Variants in DLG2 observed in about 807,000 individuals in gnomAD.
The protein encoded by DLG2 is discs large MAGUK scaffold protein 2.
In DLG2, 45 loss-of-function variants were observed where a neutral mutation model predicts 132.5. That is an observed-to-expected ratio of 0.34 (90% CI 0.27 to 0.44). The LOEUF (loss-of-function observed/expected upper bound fraction) is 0.44, where lower values mean the gene tolerates loss of function less well. DLG2 is among the 20% of genes least tolerant of loss of function. The pLI is 1.00. For synonymous variants in DLG2, 424 were observed against 419.6 expected (o/e 1.01, Z -0.13); for missense variants, 1,045 against 1,196.9 (o/e 0.87, Z 1.87).
At chr11:84,445,024 A>G (rs2099029287) in intron 7 of DLG2, among the ~76,000 whole-genome samples, 1 of 152,116 alleles carries the variant, frequency 6.6e-6, no homozygotes, top group African/African-American at 2.4e-5. Context: ...GCTGATCTCA[A>G]ACTCCTGACC....
At chr11:84,716,084 T>G (rs569851977) in intron 6 of DLG2, among the ~76,000 whole-genome samples, 5 of 152,098 alleles carry the variant, frequency 3.3e-5, no homozygotes, top group Non-Finnish European at 7.4e-5. Context: ...TTACCTCTTG[T>G]CTTTTTGATA....
chr11:84,029,710 T>G (rs992918551), intron 11 of DLG2, among the ~76,000 whole-genome samples: 4 of 152,154 alleles, frequency 2.6e-5, no homozygotes, highest in Non-Finnish European at 5.9e-5. Context: ...CAGCTATGCC[T>G]CTTGCAACTT....
At chr11:84,217,076 C>T (rs1275086239) in intron 8 of DLG2, among the ~76,000 whole-genome samples, 5 of 152,130 alleles carry the variant, frequency 3.3e-5, no homozygotes, top group Non-Finnish European at 4.4e-5. Context: ...AGAATGTTTC[C>T]TAAAACTAAC....
chr11:84,173,734 A>T (rs572422575), intron 8 of DLG2, among the ~76,000 whole-genome samples: 1 of 152,168 alleles, frequency 6.6e-6, no homozygotes, highest in Non-Finnish European at 1.5e-5. Context: ...AGTTGAACCC[A>T]AAATAATCAA....
rs377695821 is a variant in DLG2, at chr11:84,146,234, T to G, written c.624+17227A>C. Among the ~76,000 whole-genome samples, 19 of 145,234 alleles carry G rather than the reference T, an allele frequency of 1.3e-4. 1 individual carries two copies. The highest frequency in any genetic ancestry group is 4.8e-4 in the African/African-American group (19 of 39,894). ...TTATGGCAACCTGCCAATGTTGTTC[T>G]ACTGGAGAGCTTTGCTTTATCATCT... On this transcript the variant is annotated intron_variant, in intron 9 of 27. Transcript: ENST00000376104.
chr11:84,051,031 C>T (rs888289723), intron 11 of DLG2, among the ~76,000 whole-genome samples: 8 of 151,902 alleles, frequency 5.3e-5, no homozygotes, highest in African/African-American at 1.9e-4. Context: ...AAATGCTCAT[C>T]ATCGCTGGCC....
At chr11:84,939,349 A>G (rs2049114351) in intron 6 of DLG2, among the ~76,000 whole-genome samples, 1 of 152,184 alleles carries the variant, frequency 6.6e-6, no homozygotes, top group Non-Finnish European at 1.5e-5. Context: ...TAATTACATC[A>G]GAGTAAATAG....
chr11:84,439,678 C>A (rs1296780605), intron 7 of DLG2, among the ~76,000 whole-genome samples: 1 of 152,170 alleles, frequency 6.6e-6, no homozygotes, highest in African/African-American at 2.4e-5. Flanking sequence ...CTCAGCAGGA[C>A]CGTAGCTTAC....
intron 6 of DLG2, among the ~76,000 whole-genome samples, chr11:84,873,972 T>G (rs2085909038): frequency 6.6e-6 from 1 of 152,174 alleles, no homozygotes; most frequent in East Asian, 1.9e-4. Flanking sequence ...CTTACTGATC[T>G]TGCATATAAA....
At chr11:84,373,300 T>C (rs2098716405) in intron 7 of DLG2, among the ~76,000 whole-genome samples, 1 of 120,332 alleles carries the variant, frequency 8.3e-6, no homozygotes, top group Admixed American at 9.7e-5. Flanking sequence ...CCCGGCACGG[T>C]GGCTCACGCC....
chr11:84,516,197 A>G lies in DLG2; in HGVS notation c.519+18373T>C, dbSNP rs1462200557. ...AAGAAAAGAAGAAAAAACTAAGCCC[A>G]AAGTTAATAAAAGGACGGAAATAGA... On this transcript the variant is annotated intron_variant, in intron 7 of 27. Transcript: ENST00000376104. Among the ~76,000 whole-genome samples, 3 of 151,498 alleles carry G rather than the reference A, an allele frequency of 2.0e-5. No homozygotes were observed. The East Asian group carries it at 5.8e-4, about 29-fold the overall frequency.
At chr11:84,320,563 A>G (rs1017449522) in intron 7 of DLG2, among the ~76,000 whole-genome samples, 1 of 152,214 alleles carries the variant, frequency 6.6e-6, no homozygotes, top group Admixed American at 6.5e-5. Context: ...TTTACATCTA[A>G]TAACCTTTGG....
At chr11:84,855,431 G>C (rs1222018297) in intron 6 of DLG2, among the ~76,000 whole-genome samples, 1 of 152,116 alleles carries the variant, frequency 6.6e-6, no homozygotes, top group East Asian at 1.9e-4. Context: ...ACAGCAGACA[G>C]GCATGAGACA....
chr11:85,473,042 C>A (rs891120624), intron 3 of DLG2, among the ~76,000 whole-genome samples: 1 of 152,218 alleles, frequency 6.6e-6, no homozygotes, highest in African/African-American at 2.4e-5. Context: ...CCACTGCTTT[C>A]CCCTTGTCTA....
intron 3 of DLG2, among the ~76,000 whole-genome samples, chr11:85,504,471 A>T (rs895602966): frequency 1.5e-4 from 22 of 151,684 alleles, no homozygotes; most frequent in South Asian, 1.0e-3. Context: ...AAATAGGGAA[A>T]CCTTTCCCCA....
At chr11:84,598,604 A>G (rs974860806) in intron 6 of DLG2, among the ~76,000 whole-genome samples, 4 of 152,074 alleles carry the variant, frequency 2.6e-5, no homozygotes, top group African/African-American at 9.7e-5. Context: ...ACCTCCTCTG[A>G]TAATATTTTA....
At chr11:85,116,703 T>C (rs75704787) in intron 5 of DLG2, among the ~76,000 whole-genome samples, 2,953 of 152,060 alleles carry the variant, frequency 0.019, 51 homozygotes, top group Admixed American at 0.041. Flanking sequence ...AAATGTTACA[T>C]TGGAAGTCCT....
intron 9 of DLG2, among the ~76,000 whole-genome samples, chr11:84,150,647 C>T (rs187703133): frequency 6.6e-6 from 1 of 152,040 alleles, no homozygotes; most frequent in East Asian, 1.9e-4. Context: ...CTTCAAGTAC[C>T]ATGTTGTAAG....
At chr11:83,498,399 G>A (rs2138840570) in intron 21 of DLG2, among the ~76,000 whole-genome samples, 1 of 151,982 alleles carries the variant, frequency 6.6e-6, no homozygotes, top group South Asian at 2.1e-4. Flanking sequence ...GTAACATAAA[G>A]GAATTTGGAA....
Sources: gnomAD v4.1 joint callset for allele counts (sites outside exome capture counted in the v4.1 genomes callset) on GRCh38, gnomAD v4.1.1 for gene constraint, MANE v1.5 for transcripts, NCBI Gene and HGNC (gene_info 2026-07-23, HGNC 2026-07-21) for gene names.